SLC66A1: variants seen among roughly 807,000 people sequenced by gnomAD.
The protein encoded by SLC66A1 is lysosomal amino acid transporter 1 homolog.
A neutral mutation model predicts 33.0 loss-of-function variants in SLC66A1; 23 were observed. The ratio of observed to expected loss-of-function variants is 0.70; its 90% CI spans 0.50 to 0.99. The LOEUF is 0.99. Among genes scored for constraint, SLC66A1 ranks in the 50% least tolerant of loss-of-function variants. The pLI is 0.00. For missense variants in SLC66A1, 335 were observed against 383.6 expected (o/e 0.87, Z 1.06); for synonymous variants, 164 against 175.5 (o/e 0.93, Z 0.52).
rs2473808 is a variant in SLC66A1 at position 19,312,389 on chromosome 1, T to C, written c.-579T>C. 153,476 of 227,296 alleles carry C rather than the reference T, an allele frequency of 0.68. 52,375 individuals are homozygous for C. The highest frequency in any genetic ancestry group is 0.81 in the African/African-American group (35,342 of 43,768). 14.1% of individuals were successfully genotyped at this position (227,296 alleles called of 1,614,324 possible). ...CCGGACCGGGGGCAGGTGGCAAACTTCACGGCTGGGGGTCGGGGCTCCTGG... is the reference window on the plus strand; with the variant it reads ...CCGGACCGGGGGCAGGTGGCAAACTCCACGGCTGGGGGTCGGGGCTCCTGG... On this transcript the variant is annotated 5_prime_UTR_variant, in exon 1 of 8. Coordinates refer to ENST00000375153, the MANE Select transcript of SLC66A1 (RefSeq NM_001040125.2).
chr1:19,325,609 G>T, intron 4 of SLC66A1, 27 bp downstream of exon 4: 1 of 1,394,788 alleles, frequency 7.2e-7, no homozygotes, highest in Non-Finnish European at 1.0e-6. Flanking sequence ...CTCTCTGTCA[G>T]ATGCTCTACC....
downstream of SLC66A1, among the ~76,000 whole-genome samples, chr1:19,333,817 T>A (rs1420425209): frequency 6.6e-6 from 1 of 152,018 alleles, no homozygotes; most frequent in African/African-American, 2.4e-5. This position sits in a 1 kb window ranked among gnomAD's most constrained non-coding sequence, Gnocchi z 4.2. Flanking sequence ...GGTGGGAGGA[T>A]TGCTTGGGCC....
At chr1:19,325,471 C>G (rs1442347941) in intron 3 of SLC66A1, 24 bp from the exon 4 acceptor site, 3 of 1,553,008 alleles carry the variant, frequency 1.9e-6, no homozygotes, top group Non-Finnish European at 2.7e-6. Context: ...GCGCCAACCC[C>G]TGGGCCCCCT....
chr1:19,331,794 G>C (rs994835474), downstream of SLC66A1, among the ~76,000 whole-genome samples: 3 of 152,240 alleles, frequency 2.0e-5, no homozygotes, highest in Non-Finnish European at 4.4e-5. Context: ...GTGTGGTCCT[G>C]AACTGGGGCC....
intron 2 of SLC66A1, among the ~76,000 whole-genome samples, chr1:19,321,033 G>A (rs1443224173): frequency 4.0e-5 from 6 of 149,878 alleles, no homozygotes; most frequent in Non-Finnish European, 8.8e-5. Context: ...TTTCTTGATG[G>A]TGTCCTTTGA....
At chr1:19,314,959 G>T (rs2093797303) in intron 1 of SLC66A1, among the ~76,000 whole-genome samples, 2 of 152,142 alleles carry the variant, frequency 1.3e-5, no homozygotes, top group Admixed American at 6.5e-5. Context: ...CCCAGTTGGA[G>T]TGCAATGGCG....
At chr1:19,327,086 G>A in intron 6 of SLC66A1, 141 bp from the exon 7 acceptor site, 1 of 856,830 alleles carries the variant, frequency 1.2e-6, no homozygotes, top group Non-Finnish European at 1.8e-6. Flanking sequence ...CTGTGTGTCG[G>A]GCCCATATCC....
chr1:19,323,607 A>G (rs1471155687), intron 2 of SLC66A1, among the ~76,000 whole-genome samples: 2 of 151,772 alleles, frequency 1.3e-5, no homozygotes, highest in Non-Finnish European at 2.9e-5. Context: ...GGGTTTCACC[A>G]TGTTGGCCAG....
At chr1:19,320,656 C>A (rs973292101) in intron 2 of SLC66A1, among the ~76,000 whole-genome samples, 1 of 151,780 alleles carries the variant, frequency 6.6e-6, no homozygotes, top group Non-Finnish European at 1.5e-5. Context: ...ACCTTGTGAT[C>A]CGCCCGCCTT....
downstream of SLC66A1, among the ~76,000 whole-genome samples, chr1:19,334,142 C>G (rs977826262): frequency 8.5e-5 from 13 of 152,176 alleles, no homozygotes; most frequent in Non-Finnish European, 1.6e-4. Context: ...GTACTCCACC[C>G]CCACCAAACA....
intron 4 of SLC66A1, among the ~76,000 whole-genome samples, 179 bp from the exon 5 acceptor site, chr1:19,326,066 A>G (rs2093864336): frequency 6.6e-6 from 1 of 152,316 alleles, no homozygotes; most frequent in African/African-American, 2.4e-5. Flanking sequence ...TTATAACTCT[A>G]GGAGAAGGGT....
intron 1 of SLC66A1, among the ~76,000 whole-genome samples, chr1:19,314,943 C>G (rs2093797229): frequency 6.6e-6 from 1 of 152,038 alleles, no homozygotes; most frequent in African/African-American, 2.4e-5. Context: ...GAGTCTTGCT[C>G]TGTCACCCAG....
At position 19,328,589 on chromosome 1, in the gene SLC66A1, G is replaced by A. The variant is rs761899096; in HGVS notation, c.822G>A (p.Leu274=). Residue 274 remains leucine (L), a synonymous_variant, in exon 8 of 8, where the codon CTG becomes CTA. Coordinates refer to ENST00000375153, the MANE Select transcript of SLC66A1 (RefSeq NM_001040125.2). This position sits in a 1 kb window ranked among gnomAD's most constrained non-coding sequence, Gnocchi z 4.7. The part of the protein sequence containing the change: ...LLDTIISIQF[L]VYRRSTAASE... ...ACCCCCAGATCTCCATCCAGTTCCT[G>A]GTGTACAGGCGCAGCACCGCCGCCT... The A allele has an allele frequency of 2.5e-6, 4 of 1,613,510 alleles. No homozygotes were observed. In the African/African-American group the frequency reaches 4.0e-5, roughly 16 times the overall value.
chr1:19,329,479 C>G (rs1029731332), downstream of SLC66A1, among the ~76,000 whole-genome samples: 12 of 152,310 alleles, frequency 7.9e-5, no homozygotes, highest in East Asian at 1.7e-3. Flanking sequence ...CGGGCCCTTT[C>G]CTGACAGGCC....
chr1:19,324,555 C>G, intron 2 of SLC66A1, 78 bp from the exon 3 acceptor site: 1 of 1,562,554 alleles, frequency 6.4e-7, no homozygotes, highest in Admixed American at 1.7e-5. Context: ...GTCGTCTCCT[C>G]TGGGCGGTGT....
chr1:19,313,076 C>A (rs984944366), intron 1 of SLC66A1, 187 bp downstream of exon 1: 2 of 399,408 alleles, frequency 5.0e-6, no homozygotes, highest in African/African-American at 4.3e-5. Context: ...GTGCCAGGCA[C>A]CCTTGTAATC....
chr1:19,322,493 A>G (rs1375341141), intron 2 of SLC66A1, among the ~76,000 whole-genome samples: 2 of 152,134 alleles, frequency 1.3e-5, no homozygotes, highest in African/African-American at 4.8e-5. Flanking sequence ...TGTAAGGGAT[A>G]AACCTTGATT....
chr1:19,326,562 T>A lies in SLC66A1; in HGVS notation c.557T>A (p.Val186Asp). ...PFTRQEVIGF[V>D]IGSISSVLYL... The stretch of plus-strand genomic sequence containing the variant: ...ACCCGGCAGGAAGTCATTGGCTTCG[T>A]CATCGGCTCCATCTCCAGCGTGTTG... The change falls in exon 6 of 8, where the codon GTC becomes GAC. Residue 186 changes from valine to aspartate, a missense_variant. By Grantham distance (152) the Val-to-Asp change is radical. Transcript: ENST00000375153. 6.2e-7 allele frequency: 1 copy of A among 1,614,212 alleles called. No individual in the cohort carries two copies. The highest frequency in any genetic ancestry group is 8.5e-7 in the Non-Finnish European group (1 of 1,180,034).
Position 19,312,427 on chromosome 1 carries a change from C to T in SLC66A1, c.-541C>T. 5.1e-6 allele frequency: 1 copy of T among 197,698 alleles called. No individual in the cohort carries two copies. Among genetic ancestry groups the T allele is most frequent in the Non-Finnish European group, 1.0e-5 (1 of 98,382 alleles). 12.2% of individuals were successfully genotyped at this position (197,698 alleles called of 1,614,324 possible). A position where few individuals can be genotyped will look rare whatever the true frequency, so the allele number is the denominator to read the frequency against. The stretch of plus-strand genomic sequence containing the variant: ...TCGGGGCTCCTGGGCTTCCCTGCCA[C>T]ATCCTTCCAGCCCTCTCCTCCGGCC... On this transcript the variant is annotated 5_prime_UTR_variant, in exon 1 of 8. Transcript: ENST00000375153.
Sources: allele counts gnomAD v4.1 joint callset (sites outside exome capture counted in the v4.1 genomes callset), GRCh38; gene constraint gnomAD v4.1.1; non-coding constraint Gnocchi (gnomAD v3.1); transcripts MANE v1.5; gene names NCBI Gene and HGNC (gene_info 2026-07-23, HGNC 2026-07-21).